The following ALDH1A3 variants were observed in gnomAD, a reference collection of about 807,000 sequenced individuals.
ALDH1A3 encodes the protein aldehyde dehydrogenase 1 family member A3.
ALDH1A3 carries 28 observed loss-of-function variants against 57.5 expected under a neutral mutation model. The observed-to-expected ratio is 0.49, with a 90% CI of 0.36 to 0.67. The LOEUF is 0.67. Ranked by LOEUF, ALDH1A3 falls within the 30% of genes least tolerant of loss-of-function variation. The pLI, the probability that ALDH1A3 is intolerant of heterozygous loss-of-function variation, is 0.00. For synonymous variants in ALDH1A3, 281 were observed against 264.8 expected (o/e 1.06, Z -0.59); for missense variants, 507 against 669.4 (o/e 0.76, Z 2.68).
chr15:100,896,075 A>G, intron 7 of ALDH1A3, 29 bp downstream of exon 7: 1 of 1,549,424 alleles, frequency 6.5e-7, no homozygotes, highest in Non-Finnish European at 8.8e-7. Context: ...TGCTGGGGAA[A>G]GTGAAAGGGG....
At chr15:100,902,378 T>C (rs1390863594) in intron 9 of ALDH1A3, among the ~76,000 whole-genome samples, 2 of 152,240 alleles carry the variant, frequency 1.3e-5, no homozygotes, top group African/African-American at 4.8e-5. Context: ...GGGTTTCTTT[T>C]TCTTCCAAAG....
intron 9 of ALDH1A3, among the ~76,000 whole-genome samples, chr15:100,903,942 G>A (rs930617150): frequency 6.6e-6 from 1 of 151,996 alleles, no homozygotes; most frequent in Admixed American, 6.6e-5. Context: ...TTCCAAGTTT[G>A]TTGTTTTGCT....
At position 100,915,387 on chromosome 15, in the gene ALDH1A3, T is replaced by C. The variant is rs2041921939; in HGVS notation, c.*614T>C. On this transcript the variant is annotated 3_prime_UTR_variant, in exon 13 of 13. Coordinates refer to ENST00000329841, the MANE Select transcript of ALDH1A3 (RefSeq NM_000693.4). Reference sequence around the variant, plus strand: ...GAAGGGCGCCAGGGTCTTTGTGGATTGCATGTTGACATTGACCGTGAGATT... The same window carrying C: ...GAAGGGCGCCAGGGTCTTTGTGGATCGCATGTTGACATTGACCGTGAGATT... The C allele has an allele frequency of 6.6e-6, 1 of 152,400 alleles. No homozygotes were observed. The highest frequency in any genetic ancestry group is 1.5e-5 in the Non-Finnish European group (1 of 68,154). 9.4% of individuals were successfully genotyped at this position (152,400 alleles called of 1,614,324 possible). A position where few individuals can be genotyped will look rare whatever the true frequency, so the allele number is the denominator to read the frequency against.
intron 11 of ALDH1A3, 103 bp from the exon 12 acceptor site, chr15:100,908,305 T>C (rs1368871692): frequency 4.3e-6 from 4 of 927,384 alleles, no homozygotes; most frequent in Non-Finnish European, 6.7e-6. Context: ...GGCAAAAGAC[T>C]GTTTATTAGA....
intron 1 of ALDH1A3, 196 bp downstream of exon 1, chr15:100,880,202 G>A (rs2141542098): frequency 2.5e-6 from 1 of 406,028 alleles, no homozygotes; most frequent in South Asian, 1.2e-4. Flanking sequence ...CAGGCGGCGG[G>A]GCTCGGCGCT....
At chr15:100,892,337 C>T in intron 3 of ALDH1A3, 173 bp from the exon 4 acceptor site, 1 of 813,458 alleles carries the variant, frequency 1.2e-6, no homozygotes, top group South Asian at 2.0e-5. Context: ...CACTCAGAGA[C>T]AGGCCTCGCT....
intron 7 of ALDH1A3, among the ~76,000 whole-genome samples, chr15:100,896,966 G>A (rs772034741): frequency 1.3e-5 from 2 of 152,202 alleles, no homozygotes; most frequent in Non-Finnish European, 2.9e-5. Context: ...GGGTGGGCTC[G>A]GGGCAGAGCC....
intron 11 of ALDH1A3, among the ~76,000 whole-genome samples, chr15:100,907,576 C>G (rs2041834906): frequency 1.3e-5 from 2 of 152,184 alleles, no homozygotes; most frequent in South Asian, 4.1e-4. Context: ...TGTACTGCCC[C>G]TCCAACTTTA....
intron 1 of ALDH1A3, among the ~76,000 whole-genome samples, chr15:100,882,350 G>C (rs112362719): frequency 0.023 from 3,558 of 152,298 alleles, 132 homozygotes; most frequent in African/African-American, 0.082. Context: ...GATCTCAGAG[G>C]ATAGAAGTCC....
chr15:100,888,630 T>C (rs1326281141), intron 3 of ALDH1A3: 1 of 152,228 alleles, frequency 6.6e-6, no homozygotes, highest in Admixed American at 6.5e-5. Flanking sequence ...CAGGATAGCC[T>C]GGTTATAGGA....
rs1379352578 is a variant in ALDH1A3, at chr15:100,915,719, C to A, written c.*946C>A. 6.6e-6 allele frequency: 1 copy of A among 152,150 alleles called. No homozygotes were observed. The allele number at this position is 152,150 out of a possible 1,614,324, so 9.4% of individuals were successfully genotyped here. ...GTCTTCCTTTTCTCCAGTTCTGTTA[C>A]CCAATTTAGATTAGTAAAGCGTACA... On this transcript the variant is annotated 3_prime_UTR_variant, in exon 13 of 13. Transcript: ENST00000329841.
rs1291813648 is a variant in ALDH1A3 at position 100,887,723 on chromosome 15, G to A, written c.345+11G>A. The A allele has an allele frequency of 1.3e-6, 2 of 1,575,368 alleles. No individual in the cohort carries two copies. Among genetic ancestry groups the A allele is most frequent in the Non-Finnish European group, 1.7e-6 (2 of 1,156,956 alleles). Reference sequence around the variant, plus strand: ...CGCGCCACCTTGGCCGTGAGTACATGCACTTGGGGGCCGGTGGGGGATGAG... The same window carrying A: ...CGCGCCACCTTGGCCGTGAGTACATACACTTGGGGGCCGGTGGGGGATGAG... On this transcript the variant is annotated intron_variant, in intron 3 of 12. Transcript: ENST00000329841. The surrounding 1 kb of genome is among the most constrained non-coding windows in gnomAD (Gnocchi z 4.6).
intron 12 of ALDH1A3, chr15:100,913,426 T>A (rs2141577466): frequency 6.6e-6 from 1 of 152,346 alleles, no homozygotes; most frequent in South Asian, 2.1e-4. Context: ...CTCGCATTCC[T>A]AGGCTGGTGG....
At chr15:100,905,106 T>A (rs571996042) in intron 9 of ALDH1A3, among the ~76,000 whole-genome samples, 9 of 152,250 alleles carry the variant, frequency 5.9e-5, no homozygotes, top group African/African-American at 2.2e-4. Flanking sequence ...CTAAAAAAAA[T>A]TATGTGTCAT....
chr15:100,902,674 C>G lies in ALDH1A3; in HGVS notation c.1068+1915C>G, dbSNP rs116492427. Among the ~76,000 whole-genome samples the G allele has an allele frequency of 8.2e-3, 1,243 of 152,362 alleles. 10 individuals carry two copies. The highest frequency in any genetic ancestry group is 0.028 in the African/African-American group (1,174 of 41,584). On this transcript the variant is annotated intron_variant, in intron 9 of 12. Transcript: ENST00000329841. The stretch of plus-strand genomic sequence containing the variant: ...CCAGTCCTGTGGGGGCCGTATTTCC[C>G]TGTTTCTGGTGTTGTGCCCTGCTGC...
Position 100,879,836 on chromosome 15 carries a change from G to A in ALDH1A3, c.-72G>A, listed in dbSNP as rs888820150. 5.2e-6 allele frequency: 6 copies of A among 1,149,084 alleles called. No individual in the cohort carries two copies. The African/African-American group carries it at 9.7e-5, about 19-fold the overall frequency. 71.2% of individuals were successfully genotyped at this position (1,149,084 alleles called of 1,614,324 possible). A position where few individuals can be genotyped will look rare whatever the true frequency, so the allele number is the denominator to read the frequency against. On this transcript the variant is annotated 5_prime_UTR_variant, in exon 1 of 13. Transcript: ENST00000329841. ...CGGGGAGCTGCCACCCCGGGAGCGG[G>A]CTGCGCAGTGTCCGGGCCGAGCCGG...
intron 1 of ALDH1A3, among the ~76,000 whole-genome samples, chr15:100,883,167 C>T (rs1457165599): frequency 1.3e-5 from 2 of 152,152 alleles, no homozygotes; most frequent in Admixed American, 6.5e-5. Flanking sequence ...TTTCCCTCCC[C>T]CTTGGAGTTG....
chr15:100,892,852 C>T (rs2041663779), intron 4 of ALDH1A3, 93 bp from the exon 5 acceptor site: 3 of 1,427,142 alleles, frequency 2.1e-6, no homozygotes, highest in African/African-American at 2.8e-5. Context: ...AATCTGGCAC[C>T]CTTGTTGGTT....
rs1171451461 is a variant in ALDH1A3 at position 100,915,621 on chromosome 15, CAG to C, written c.*851_*852del. On this transcript the variant is annotated 3_prime_UTR_variant, in exon 13 of 13. Transcript: ENST00000329841. ...TAATTCACCTCCTCATTTGACAAAT[CAG>C]AGCTGTAATTCGCTTTAACAAATTA... The C allele has an allele frequency of 6.6e-6, 1 of 152,206 alleles. No homozygotes were observed. 9.4% of individuals were successfully genotyped at this position (152,206 alleles called of 1,614,324 possible).
Sources: allele counts gnomAD v4.1 joint callset (sites outside exome capture counted in the v4.1 genomes callset), GRCh38; gene constraint gnomAD v4.1.1; non-coding constraint Gnocchi (gnomAD v3.1); transcripts MANE v1.5; gene names NCBI Gene and HGNC (gene_info 2026-07-23, HGNC 2026-07-21).